MEIS1: variants seen among roughly 807,000 people sequenced by gnomAD.
MEIS1 encodes Meis homeobox 1.
Under a neutral mutation model 50.8 loss-of-function variants are expected in MEIS1, and 5 were observed. The observed-to-expected ratio is 0.10, with a 90% CI of 0.05 to 0.21. The LOEUF (loss-of-function observed/expected upper bound fraction) is 0.21. Ranked by LOEUF, MEIS1 falls within the 10% of genes least tolerant of loss-of-function variation. MEIS1 has a pLI of 1.00. For synonymous variants in MEIS1, 176 were observed against 179.3 expected (o/e 0.98, Z 0.15); for missense variants, 318 against 517.3 (o/e 0.61, Z 3.74).
chr2:66,556,686 A>G (rs1359476260), intron 9 of MEIS1, among the ~76,000 whole-genome samples: 4 of 152,136 alleles, frequency 2.6e-5, no homozygotes, highest in Non-Finnish European at 5.9e-5. Context: ...TCACTAGGAC[A>G]TCTGCAGTGG....
intron 8 of MEIS1, among the ~76,000 whole-genome samples, chr2:66,539,820 C>G (rs957008354): frequency 2.0e-5 from 3 of 152,200 alleles, no homozygotes; most frequent in Non-Finnish European, 4.4e-5. Context: ...CTTTCCCTGA[C>G]AGCCCCCTCC....
At chr2:66,501,103 A>G (rs1451272996) in intron 7 of MEIS1, among the ~76,000 whole-genome samples, 1 of 152,172 alleles carries the variant, frequency 6.6e-6, no homozygotes, top group Non-Finnish European at 1.5e-5. Flanking sequence ...TAGAGCATTT[A>G]TATGTATTTT....
intron 7 of MEIS1, among the ~76,000 whole-genome samples, chr2:66,497,753 A>G (rs75845281): frequency 6.6e-6 from 1 of 152,212 alleles, no homozygotes; most frequent in East Asian, 1.9e-4. Context: ...AACATAAAAA[A>G]TTAAAACTGC....
At chr2:66,505,423 A>C (rs1030420766) in intron 7 of MEIS1, among the ~76,000 whole-genome samples, 2 of 152,178 alleles carry the variant, frequency 1.3e-5, no homozygotes, top group Middle Eastern at 3.2e-3. Flanking sequence ...AGGAAAAAAG[A>C]AAAGACTTAA....
chr2:66,518,846 A>G (rs1450047058), intron 8 of MEIS1, among the ~76,000 whole-genome samples: 1 of 152,192 alleles, frequency 6.6e-6, no homozygotes, highest in African/African-American at 2.4e-5. Flanking sequence ...CCACAGGAAA[A>G]TCAGATAGAT....
chr2:66,486,141 CTTTTGGTG>C (rs1673136982), intron 7 of MEIS1, among the ~76,000 whole-genome samples: 1 of 152,132 alleles, frequency 6.6e-6, no homozygotes, highest in Non-Finnish European at 1.5e-5. Context: ...GTTGCCATTG[CTTTTGGTG>C]TTTTAGTCAG....
intron 9 of MEIS1, among the ~76,000 whole-genome samples, chr2:66,553,380 T>C (rs1674972393): frequency 6.6e-6 from 1 of 152,242 alleles, no homozygotes; most frequent in Non-Finnish European, 1.5e-5. Flanking sequence ...TTAATTGCTA[T>C]GCTTTTCACC....
Position 66,544,756 on chromosome 2 carries a change from T to G in MEIS1, c.889-3187T>G, listed in dbSNP as rs1304418311. On this transcript the variant is annotated intron_variant, in intron 8 of 12. Coordinates refer to ENST00000272369, the MANE Select transcript of MEIS1 (RefSeq NM_002398.3). ...TGAAATTAGATACAGTTTGTTCCAATTACTTAAAATCAGATCACATGAAAA... is the reference window on the plus strand; with the variant it reads ...TGAAATTAGATACAGTTTGTTCCAAGTACTTAAAATCAGATCACATGAAAA... 1.3e-5 allele frequency among the ~76,000 whole-genome samples: 2 copies of G among 152,116 alleles called. 1 individual carries two copies. The highest frequency in any genetic ancestry group is 2.9e-5 in the Non-Finnish European group (2 of 68,028).
At chr2:66,504,858 A>C (rs1673649968) in intron 7 of MEIS1, among the ~76,000 whole-genome samples, 1 of 152,162 alleles carries the variant, frequency 6.6e-6, no homozygotes, top group Non-Finnish European at 1.5e-5. Flanking sequence ...CAAATTTTCC[A>C]GGAAAGCTGT....
intron 2 of MEIS1, chr2:66,439,392 C>T: frequency 4.8e-6 from 6 of 1,262,876 alleles, no homozygotes; most frequent in Non-Finnish European, 6.0e-6. Context: ...CGAGATCCCC[C>T]GAGCCTGGGC....
At chr2:66,564,609 G>A (rs1675294413) in intron 9 of MEIS1, among the ~76,000 whole-genome samples, 1 of 152,086 alleles carries the variant, frequency 6.6e-6, no homozygotes, top group African/African-American at 2.4e-5. Flanking sequence ...AAAGCATAAT[G>A]GCTATGTTTA....
intron 7 of MEIS1, among the ~76,000 whole-genome samples, chr2:66,480,501 A>T (rs1672990584): frequency 6.6e-6 from 1 of 152,260 alleles, no homozygotes. Flanking sequence ...GCTGAGATCT[A>T]GCTCAATATG....
intron 8 of MEIS1, among the ~76,000 whole-genome samples, chr2:66,528,034 CTATAACAG>C (rs1477841456): frequency 1.3e-5 from 2 of 152,006 alleles, no homozygotes; most frequent in African/African-American, 4.8e-5. Context: ...CAGAAGACAG[CTATAACAG>C]TTTGGGTAAG....
At chr2:66,538,733 A>G (rs1000106744) in intron 8 of MEIS1, among the ~76,000 whole-genome samples, 10 of 152,218 alleles carry the variant, frequency 6.6e-5, no homozygotes, top group African/African-American at 2.4e-4. Flanking sequence ...TTGATTAAGA[A>G]TCATGTAATA....
At chr2:66,507,815 T>A (rs1673720880) in intron 7 of MEIS1, among the ~76,000 whole-genome samples, 1 of 152,238 alleles carries the variant, frequency 6.6e-6, no homozygotes. Context: ...TCTAAATGCC[T>A]GGGCATGCTT....
At chr2:66,560,795 G>A (rs1675194186) in intron 9 of MEIS1, among the ~76,000 whole-genome samples, 1 of 152,002 alleles carries the variant, frequency 6.6e-6, no homozygotes, top group Non-Finnish European at 1.5e-5. Flanking sequence ...GAGAAGAGAG[G>A]TGCTCCCTTT....
At chr2:66,463,964 G>A (rs1672578573) in intron 6 of MEIS1, 145 bp from the exon 7 acceptor site, 3 of 622,342 alleles carry the variant, frequency 4.8e-6, no homozygotes, top group South Asian at 2.0e-5. Context: ...GCAGCTCTGA[G>A]CTGGAACCAT....
At chr2:66,538,208 A>G (rs575446012) in intron 8 of MEIS1, among the ~76,000 whole-genome samples, 5 of 152,342 alleles carry the variant, frequency 3.3e-5, no homozygotes, top group Non-Finnish European at 7.3e-5. Context: ...ATAACACAGT[A>G]ATTAAAAGCA....
rs773876105 is a variant in MEIS1 at position 66,512,136 on chromosome 2, G to A, written c.743-13G>A. ...GGTAGCATCAGTCAAAATTTGATTC[G>A]CTATGTTTGCAGGTGATGGCTTGGA... On this transcript the variant is annotated splice_polypyrimidine_tract_variant and intron_variant, in intron 7 of 12. Coordinates refer to ENST00000272369, the MANE Select transcript of MEIS1 (RefSeq NM_002398.3). 1.3e-5 allele frequency: 20 copies of A among 1,538,962 alleles called. No homozygotes were observed. The Admixed American group carries it at 1.8e-4, about 14-fold the overall frequency.
Sources: allele counts gnomAD v4.1 joint callset (sites outside exome capture counted in the v4.1 genomes callset), GRCh38; gene constraint gnomAD v4.1.1; transcripts MANE v1.5; gene names NCBI Gene and HGNC (gene_info 2026-07-23, HGNC 2026-07-21).